The following SHANK2 variants were observed in gnomAD, a reference collection of about 807,000 sequenced individuals.
SHANK2 encodes the protein SH3 and multiple ankyrin repeat domains 2.
SHANK2 carries 43 observed loss-of-function variants against 133.7 expected under a neutral mutation model. That is an observed-to-expected ratio of 0.32 (90% CI 0.25 to 0.41). The LOEUF (loss-of-function observed/expected upper bound fraction) is 0.41. Among genes scored for constraint, SHANK2 ranks in the 10% least tolerant of loss-of-function variants. SHANK2 has a pLI of 1.00. For missense variants in SHANK2, 1,994 were observed against 2,235.8 expected, an observed-to-expected ratio of 0.89 and a Z score of 2.18; for synonymous variants, 1,017 against 952.8, an observed-to-expected ratio of 1.07 and a Z score of -1.24.
chr11:70,685,529 T>A (rs1181978793), intron 15 of SHANK2, among the ~76,000 whole-genome samples: 1 of 152,092 alleles, frequency 6.6e-6, no homozygotes, highest in Non-Finnish European at 1.5e-5. Context: ...CAGCCTCTAG[T>A]CCTGACCCAT....
At chr11:70,720,772 A>G (rs533811054) in intron 14 of SHANK2, among the ~76,000 whole-genome samples, 2 of 152,356 alleles carry the variant, frequency 1.3e-5, no homozygotes, top group Non-Finnish European at 2.9e-5. Context: ...CATGTAGCAC[A>G]CCGGCATGCA....
intron 17 of SHANK2, among the ~76,000 whole-genome samples, chr11:70,567,844 C>T (rs1398111071): frequency 6.6e-6 from 1 of 152,128 alleles, no homozygotes. Context: ...TGGGGCAGCC[C>T]GAACTAAGAC....
intron 4 of SHANK2, 132 bp downstream of exon 4, chr11:71,118,697 G>C: frequency 1.2e-6 from 1 of 819,488 alleles, no homozygotes; most frequent in Non-Finnish European, 1.8e-6. Context: ...ACCCCAGACT[G>C]ATTTTTAAAT....
In SHANK2 at chr11:71,168,323, C is replaced by G. The variant is rs1175920697; in HGVS notation, c.-12-20985G>C. Among the ~76,000 whole-genome samples, 19 of 93,976 alleles carry G rather than the reference C, an allele frequency of 2.0e-4. 1 individual carries two copies. The highest frequency in any genetic ancestry group is 3.6e-4 in the Non-Finnish European group (16 of 44,416). The allele number at this position is 93,976 out of a possible 152,430, so 61.7% of individuals were successfully genotyped here. On this transcript the variant is annotated intron_variant, in intron 2 of 25. Coordinates refer to ENST00000601538, the MANE Select transcript of SHANK2 (RefSeq NM_012309.5). ...AGATGGGATGGCGGCCGGGCAGAGA[C>G]GCTCCTCACTTTCCAGACTGGGCAG... is the stretch of plus-strand genomic sequence containing the variant.
At position 70,485,296 on chromosome 11, in the gene SHANK2, C is replaced by T. The variant is rs183569130; in HGVS notation, c.4979+18G>A. On this transcript the variant is annotated intron_variant, in intron 25 of 25. Transcript: ENST00000601538. The surrounding 1 kb of genome is among the most constrained non-coding windows in gnomAD (Gnocchi z 5.8). ...GTGCACGCAGAGCGGTGTGCATGTG[C>T]ACCAACCGCGGACTTACCTTGGAGC... is the stretch of plus-strand genomic sequence containing the variant. The T allele has an allele frequency of 2.5e-6, 4 of 1,606,590 alleles. No individual in the cohort carries two copies. In the Admixed American group the frequency reaches 6.7e-5, roughly 27 times the overall value.
intron 4 of SHANK2, among the ~76,000 whole-genome samples, chr11:71,115,025 T>C (rs1488253121): frequency 2.0e-5 from 3 of 152,098 alleles, no homozygotes; most frequent in African/African-American, 7.2e-5. Context: ...TTGCTATTTC[T>C]CCAACATTTC....
In SHANK2 at chr11:70,485,280, G is replaced by T. The variant is rs1042831028; in HGVS notation, c.4979+34C>A. 3.2e-6 allele frequency: 5 copies of T among 1,568,504 alleles called. No homozygotes were observed. Among genetic ancestry groups the T allele is most frequent in the Non-Finnish European group, 4.4e-6 (5 of 1,140,946 alleles). On this transcript the variant is annotated intron_variant, in intron 25 of 25. Transcript: ENST00000601538. The surrounding 1 kb of genome is among the most constrained non-coding windows in gnomAD (Gnocchi z 5.8). Reference sequence around the variant, plus strand: ...CTGGTCAGCAGGGACAGTGCACGCAGAGCGGTGTGCATGTGCACCAACCGC... The same window carrying T: ...CTGGTCAGCAGGGACAGTGCACGCATAGCGGTGTGCATGTGCACCAACCGC...
intron 11 of SHANK2, among the ~76,000 whole-genome samples, chr11:70,853,991 C>T (rs528134804): frequency 6.6e-5 from 10 of 152,220 alleles, no homozygotes; most frequent in East Asian, 3.9e-4. Context: ...CCCACAAAGA[C>T]GCTATTTCTA....
chr11:71,240,466 T>C (rs2919723), intron 1 of SHANK2, among the ~76,000 whole-genome samples: 91,950 of 151,968 alleles, frequency 0.61, 30,807 homozygotes, highest in East Asian at 0.9. Context: ...GGGGCTCCCT[T>C]CAAGGGTGAG....
Position 70,952,525 on chromosome 11 carries a change from TA to T in SHANK2, c.1108-55959del, listed in dbSNP as rs144177650. ...AATGGGATTTTATCAAATCACCCAG[TA>T]AGTGCAAAATGCAGTCTCTGGGTGG... On this transcript the variant is annotated intron_variant, in intron 10 of 25. Coordinates refer to ENST00000601538, the MANE Select transcript of SHANK2 (RefSeq NM_012309.5). Among the ~76,000 whole-genome samples, 32 of 152,306 alleles carry T rather than the reference TA, an allele frequency of 2.1e-4. No homozygotes were observed. In the East Asian group the frequency reaches 6.0e-3, roughly 28 times the overall value.
chr11:71,105,997 G>A (rs1216654672), intron 6 of SHANK2, among the ~76,000 whole-genome samples: 1 of 152,188 alleles, frequency 6.6e-6, no homozygotes, highest in Non-Finnish European at 1.5e-5. Flanking sequence ...ATGTAAGCTT[G>A]GACTTGAGGA....
intron 1 of SHANK2, among the ~76,000 whole-genome samples, chr11:71,250,732 G>A (rs1555125702): frequency 6.6e-6 from 1 of 152,194 alleles, no homozygotes. Flanking sequence ...CACTAACTAT[G>A]TGATGCGGAC....
At chr11:70,891,359 G>A (rs188580716) in intron 11 of SHANK2, among the ~76,000 whole-genome samples, 12 of 152,228 alleles carry the variant, frequency 7.9e-5, no homozygotes, top group South Asian at 4.1e-4. Context: ...AAAAGTAGCC[G>A]GGGGTGGTGG....
chr11:70,951,046 C>T, intron 10 of SHANK2: 1 of 283,974 alleles, frequency 3.5e-6, no homozygotes, highest in Non-Finnish European at 6.8e-6. Context: ...ACTCCCTTAA[C>T]TGCAGTGATT....
chr11:70,909,987 C>T (rs1191813769), intron 10 of SHANK2, among the ~76,000 whole-genome samples: 1 of 152,172 alleles, frequency 6.6e-6, no homozygotes, highest in Non-Finnish European at 1.5e-5. Context: ...GCTAGGTCCT[C>T]CTGAGGCCTG....
intron 1 of SHANK2, among the ~76,000 whole-genome samples, chr11:71,246,849 T>C (rs543644739): frequency 6.6e-6 from 1 of 152,300 alleles, no homozygotes; most frequent in Non-Finnish European, 1.5e-5. Context: ...CACTGCCTTC[T>C]CACTCAGAGA....
chr11:70,945,313 G>A (rs1950707312), intron 10 of SHANK2, among the ~76,000 whole-genome samples: 2 of 152,186 alleles, frequency 1.3e-5, no homozygotes, highest in East Asian at 1.9e-4. Flanking sequence ...AAAAGCAAAA[G>A]TGGAGGCCTG....
At chr11:70,786,709 G>A (rs1054475717) in intron 14 of SHANK2, among the ~76,000 whole-genome samples, 10 of 152,126 alleles carry the variant, frequency 6.6e-5, no homozygotes, top group Non-Finnish European at 1.2e-4. Context: ...GGAAAGCCAG[G>A]AACCTCCTCC....
intron 14 of SHANK2, among the ~76,000 whole-genome samples, chr11:70,761,235 G>A (rs1271575094): frequency 3.3e-5 from 5 of 152,152 alleles, no homozygotes; most frequent in Non-Finnish European, 5.9e-5. Flanking sequence ...TCATGATGGT[G>A]GGGCCCCTAT....
Sources: allele counts gnomAD v4.1 joint callset (sites outside exome capture counted in the v4.1 genomes callset), GRCh38; gene constraint gnomAD v4.1.1; non-coding constraint Gnocchi (gnomAD v3.1); transcripts MANE v1.5; gene names NCBI Gene and HGNC (gene_info 2026-07-23, HGNC 2026-07-21).